FTO: variants seen among roughly 807,000 people sequenced by gnomAD.
The protein encoded by FTO is alpha-ketoglutarate-dependent dioxygenase FTO.
FTO carries 47 observed loss-of-function variants against 63.9 expected under a neutral mutation model. The ratio of observed to expected loss-of-function variants is 0.74; its 90% CI spans 0.58 to 0.94. The LOEUF is 0.94. Ranked by LOEUF, FTO falls within the 40% of genes least tolerant of loss-of-function variation. The pLI is 0.00. For synonymous variants in FTO, 207 were observed against 224.4 expected (o/e 0.92, Z 0.69); for missense variants, 562 against 618.1 (o/e 0.91, Z 0.96).
intron 8 of FTO, among the ~76,000 whole-genome samples, chr16:53,988,859 T>C (rs1301880507): frequency 6.6e-6 from 1 of 152,214 alleles, no homozygotes; most frequent in East Asian, 1.9e-4. Context: ...GTTTTTTCTT[T>C]GTATTGGTTT....
intron 8 of FTO, among the ~76,000 whole-genome samples, chr16:54,089,760 G>A (rs185211138): frequency 2.1e-4 from 32 of 151,456 alleles, no homozygotes; most frequent in African/African-American, 7.8e-4. Context: ...ATATATAAAT[G>A]GCAAATAAAT....
chr16:53,715,847 G>A (rs1447021430), intron 1 of FTO, among the ~76,000 whole-genome samples: 1 of 152,120 alleles, frequency 6.6e-6, no homozygotes, highest in Admixed American at 6.6e-5. Flanking sequence ...ATAGCTGAAA[G>A]CATTTGTGTG....
At chr16:54,039,137 T>C (rs2689251) in intron 8 of FTO, among the ~76,000 whole-genome samples, 70,413 of 152,008 alleles carry the variant, frequency 0.46, 18,221 homozygotes, top group African/African-American at 0.69. Context: ...TCAGAGAGAG[T>C]GGGCACTACA....
chr16:53,914,495 C>T (rs1484563419), intron 7 of FTO, among the ~76,000 whole-genome samples: 1 of 152,100 alleles, frequency 6.6e-6, no homozygotes, highest in Non-Finnish European at 1.5e-5. Flanking sequence ...TAAAGTCAAA[C>T]ATTCCTGCCT....
At chr16:54,005,068 TAA>T (rs777739385) in intron 8 of FTO, among the ~76,000 whole-genome samples, 21 of 97,748 alleles carry the variant, frequency 2.1e-4, no homozygotes, top group African/African-American at 6.9e-4. Flanking sequence ...AGGCTCCGTC[TAA>T]AAAAAAAAAA....
intron 1 of FTO, among the ~76,000 whole-genome samples, chr16:53,784,815 G>T (rs1295751924): frequency 6.6e-6 from 1 of 152,102 alleles, no homozygotes; most frequent in Non-Finnish European, 1.5e-5. Flanking sequence ...AGATATTGCA[G>T]ATATGTTCAT....
intron 8 of FTO, chr16:53,956,918 GC>G (rs1408382384): frequency 6.6e-6 from 1 of 152,124 alleles, no homozygotes; most frequent in Non-Finnish European, 1.5e-5. Flanking sequence ...ACCCACCTCG[GC>G]CTCCCAAAGT....
intron 8 of FTO, among the ~76,000 whole-genome samples, chr16:53,973,314 G>T (rs2083371952): frequency 6.6e-6 from 1 of 152,130 alleles, no homozygotes; most frequent in African/African-American, 2.4e-5. Context: ...TCCACTGCTG[G>T]GAGTAAACCT....
At chr16:53,856,088 T>TA (rs924454519) in intron 4 of FTO, among the ~76,000 whole-genome samples, 1 of 122,388 alleles carries the variant, frequency 8.2e-6, no homozygotes, top group African/African-American at 4.1e-5. Flanking sequence ...GCATGAGCTA[T>TA]AGAAAATTTT....
At chr16:53,985,959 T>C (rs2083657208) in intron 8 of FTO, among the ~76,000 whole-genome samples, 2 of 152,216 alleles carry the variant, frequency 1.3e-5, no homozygotes, top group African/African-American at 4.8e-5. Context: ...TTCTTCAACA[T>C]TTCAGGTTCA....
chr16:53,938,218 G>C (rs1258121410), intron 8 of FTO, among the ~76,000 whole-genome samples: 1 of 152,158 alleles, frequency 6.6e-6, no homozygotes, highest in African/African-American at 2.4e-5. Context: ...ACTACAACCT[G>C]GCAGTTTTTC....
intron 8 of FTO, among the ~76,000 whole-genome samples, chr16:53,984,424 G>A (rs1200764933): frequency 1.5e-5 from 2 of 132,832 alleles, no homozygotes; most frequent in Non-Finnish European, 3.1e-5. Context: ...CCCAGCTCAA[G>A]TGATCCTCCC....
At chr16:53,974,029 A>G (rs1413054522) in intron 8 of FTO, among the ~76,000 whole-genome samples, 1 of 152,240 alleles carries the variant, frequency 6.6e-6, no homozygotes, top group Non-Finnish European at 1.5e-5. Flanking sequence ...ACATATTTAT[A>G]TAAAATCTCA....
chr16:53,892,663 A>C (rs1049327195), intron 7 of FTO, among the ~76,000 whole-genome samples: 4 of 152,156 alleles, frequency 2.6e-5, no homozygotes, highest in African/African-American at 9.7e-5. Flanking sequence ...TGTTCTGCAA[A>C]ATAACATCGA....
At chr16:53,922,098 G>A (rs996046078) in intron 7 of FTO, among the ~76,000 whole-genome samples, 2 of 152,118 alleles carry the variant, frequency 1.3e-5, no homozygotes, top group Admixed American at 1.3e-4. Context: ...CAGTTTTATC[G>A]ATGATGGTCA....
intron 1 of FTO, among the ~76,000 whole-genome samples, chr16:53,789,124 G>T (rs2077828085): frequency 6.6e-6 from 1 of 152,154 alleles, no homozygotes. Flanking sequence ...AGATTTTTCA[G>T]CCTGGATTGA....
chr16:53,818,833 C>A, intron 2 of FTO, among the ~76,000 whole-genome samples: 1 of 152,024 alleles, frequency 6.6e-6, no homozygotes, highest in Non-Finnish European at 1.5e-5. Context: ...CCCTTCTAAA[C>A]CCTTCTTGGG....
At chr16:53,909,330 A>C (rs983968290) in intron 7 of FTO, among the ~76,000 whole-genome samples, 2 of 152,158 alleles carry the variant, frequency 1.3e-5, no homozygotes, top group Admixed American at 1.3e-4. Flanking sequence ...AGACATATAC[A>C]TGAATAAGGC....
intron 5 of FTO, among the ~76,000 whole-genome samples, chr16:53,877,411 A>G (rs758837327): frequency 6.6e-6 from 1 of 152,240 alleles, no homozygotes; most frequent in Non-Finnish European, 1.5e-5. Context: ...TAACTCTTGA[A>G]AACATACGAA....
Sources: allele counts gnomAD v4.1 joint callset (sites outside exome capture counted in the v4.1 genomes callset), GRCh38; gene constraint gnomAD v4.1.1; transcripts MANE v1.5; gene names NCBI Gene and HGNC (gene_info 2026-07-23, HGNC 2026-07-21).